Variants in PTPRM observed in about 807,000 individuals in gnomAD.
The protein encoded by PTPRM is receptor-type tyrosine-protein phosphatase mu.
PTPRM carries 47 observed loss-of-function variants against 186.7 expected under a neutral mutation model. The observed-to-expected ratio is 0.25, with a 90% CI of 0.20 to 0.32. The LOEUF (loss-of-function observed/expected upper bound fraction) is 0.32, where lower values mean the gene tolerates loss of function less well. PTPRM is among the 10% of genes least tolerant of loss of function. The pLI, the probability that PTPRM is intolerant of heterozygous loss-of-function variation, is 1.00. For missense variants in PTPRM, 1,494 were observed against 1,865.0 expected (o/e 0.80, Z 3.66); for synonymous variants, 668 against 674.9 (o/e 0.99, Z 0.16).
intron 7 of PTPRM, among the ~76,000 whole-genome samples, chr18:7,998,558 T>C (rs1044372402): frequency 3.3e-5 from 5 of 152,100 alleles, no homozygotes; most frequent in African/African-American, 1.2e-4. Context: ...TGTGGACTAA[T>C]AGGAAAAAAG....
At chr18:7,666,180 T>G (rs2039090634) in intron 1 of PTPRM, among the ~76,000 whole-genome samples, 1 of 152,222 alleles carries the variant, frequency 6.6e-6, no homozygotes, top group Admixed American at 6.5e-5. Context: ...CCTCCTTCCG[T>G]GAAGATTTTC....
chr18:8,063,919 C>G (rs1014402383), intron 7 of PTPRM, among the ~76,000 whole-genome samples: 2 of 152,300 alleles, frequency 1.3e-5, no homozygotes, highest in Admixed American at 1.3e-4. Flanking sequence ...CATTACCTAA[C>G]ATTCAACATT....
chr18:7,990,351 C>T (rs534138626), intron 7 of PTPRM, among the ~76,000 whole-genome samples: 28 of 152,106 alleles, frequency 1.8e-4, no homozygotes, highest in Non-Finnish European at 3.7e-4. Context: ...TGGTTTGATT[C>T]TCCTGTTCCT....
At chr18:8,026,938 A>T (rs942560584) in intron 7 of PTPRM, among the ~76,000 whole-genome samples, 1 of 152,234 alleles carries the variant, frequency 6.6e-6, no homozygotes, top group Admixed American at 6.5e-5. Context: ...TTGTACAATA[A>T]GGCATTGATT....
At chr18:7,905,914 C>G (rs2049956220) in intron 3 of PTPRM, among the ~76,000 whole-genome samples, 1 of 152,186 alleles carries the variant, frequency 6.6e-6, no homozygotes, top group Admixed American at 6.5e-5. Flanking sequence ...CTAAAGCAAT[C>G]TGAATCTTAA....
At chr18:7,873,711 C>A (rs1158271272) in intron 2 of PTPRM, among the ~76,000 whole-genome samples, 2 of 152,176 alleles carry the variant, frequency 1.3e-5, no homozygotes, top group Non-Finnish European at 2.9e-5. Context: ...TCACATTAGC[C>A]AGTCTTCTTT....
chr18:8,307,224 ATTTC>A, intron 20 of PTPRM, among the ~76,000 whole-genome samples: 1 of 152,176 alleles, frequency 6.6e-6, no homozygotes, highest in East Asian at 1.9e-4. Flanking sequence ...ATACTTACCT[ATTTC>A]TTGTATTCTG....
intron 15 of PTPRM, 121 bp downstream of exon 15, chr18:8,244,330 T>C: frequency 9.6e-7 from 1 of 1,039,450 alleles, no homozygotes; most frequent in Non-Finnish European, 1.3e-6. Flanking sequence ...CCGTGTTGGT[T>C]TCTTCAGTCA....
intron 21 of PTPRM, 81 bp from the exon 22 acceptor site, chr18:8,319,097 C>A: frequency 1.0e-6 from 1 of 982,288 alleles, no homozygotes; most frequent in Non-Finnish European, 1.6e-6. Context: ...GTGCACATTC[C>A]TTTCAGCAAA....
chr18:8,206,969 C>T (rs1488314539), intron 14 of PTPRM, among the ~76,000 whole-genome samples: 2 of 152,134 alleles, frequency 1.3e-5, no homozygotes, highest in African/African-American at 4.8e-5. Context: ...ACATCTGGGC[C>T]ACCAGAAGCT....
At chr18:8,045,280 G>A (rs1465430363) in intron 7 of PTPRM, among the ~76,000 whole-genome samples, 1 of 152,054 alleles carries the variant, frequency 6.6e-6, no homozygotes, top group Non-Finnish European at 1.5e-5. Context: ...CCTGGGAGGC[G>A]GAGGTTGCAG....
chr18:7,723,648 C>T (rs1247154889), intron 1 of PTPRM, among the ~76,000 whole-genome samples: 1 of 152,162 alleles, frequency 6.6e-6, no homozygotes, highest in Non-Finnish European at 1.5e-5. Context: ...CTGGAATTCA[C>T]ATTCTCTGGG....
At chr18:7,755,461 A>G (rs956882268) in intron 1 of PTPRM, among the ~76,000 whole-genome samples, 1 of 152,208 alleles carries the variant, frequency 6.6e-6, no homozygotes, top group Non-Finnish European at 1.5e-5. Context: ...TCTTCCTGCT[A>G]CAGCAGAGGA....
At chr18:7,927,584 C>T (rs917717582) in intron 5 of PTPRM, among the ~76,000 whole-genome samples, 3 of 152,020 alleles carry the variant, frequency 2.0e-5, no homozygotes, top group Non-Finnish European at 4.4e-5. Flanking sequence ...CACTGGCTTC[C>T]GCTCCATCAT....
intron 14 of PTPRM, among the ~76,000 whole-genome samples, chr18:8,219,981 C>T (rs1242673430): frequency 2.0e-5 from 3 of 151,948 alleles, no homozygotes; most frequent in Non-Finnish European, 4.4e-5. Flanking sequence ...CAAAAGGGGG[C>T]GCTATAACGA....
At chr18:8,111,612 C>CA (rs113602878) in intron 11 of PTPRM, among the ~76,000 whole-genome samples, 6,123 of 146,934 alleles carry the variant, frequency 0.042, 406 homozygotes, top group African/African-American at 0.14. Context: ...GACTCCATCT[C>CA]AAAAAAAAAA....
At chr18:7,726,522 A>C (rs747555356) in intron 1 of PTPRM, among the ~76,000 whole-genome samples, 12 of 152,200 alleles carry the variant, frequency 7.9e-5, no homozygotes, top group Non-Finnish European at 1.2e-4. Flanking sequence ...TCTGGTACCC[A>C]GAAGTTCTTC....
intron 1 of PTPRM, among the ~76,000 whole-genome samples, chr18:7,765,330 C>A (rs1341377183): frequency 6.6e-6 from 1 of 152,128 alleles, no homozygotes; most frequent in African/African-American, 2.4e-5. Flanking sequence ...TAGCATTAGC[C>A]ATTTAAATGC....
chr18:7,734,501 G>C (rs1423393132), intron 1 of PTPRM, among the ~76,000 whole-genome samples: 2 of 152,140 alleles, frequency 1.3e-5, no homozygotes, highest in Non-Finnish European at 2.9e-5. Flanking sequence ...TCGAAGAATT[G>C]CTATCATGTA....
Sources: gnomAD v4.1 joint callset for allele counts (sites outside exome capture counted in the v4.1 genomes callset) on GRCh38, gnomAD v4.1.1 for gene constraint, MANE v1.5 for transcripts, NCBI Gene and HGNC (gene_info 2026-07-23, HGNC 2026-07-21) for gene names.